The following ACBD6 variants were observed in gnomAD, a reference collection of about 807,000 sequenced individuals.
ACBD6 encodes the protein acyl-CoA binding domain containing 6.
In ACBD6, 28 loss-of-function variants were observed where a neutral mutation model predicts 37.2. The ratio of observed to expected loss-of-function variants is 0.75; its 90% CI spans 0.56 to 1.03. The LOEUF (loss-of-function observed/expected upper bound fraction) is 1.03. Ranked by LOEUF, ACBD6 falls within the 50% of genes least tolerant of loss-of-function variation. The pLI is 0.00. For synonymous variants in ACBD6, 113 were observed against 126.8 expected (o/e 0.89, Z 0.73); for missense variants, 340 against 337.4 (o/e 1.01, Z -0.06).
intron 3 of ACBD6, among the ~76,000 whole-genome samples, chr1:180,431,330 T>C (rs1441423781): frequency 6.6e-6 from 1 of 152,222 alleles, no homozygotes; most frequent in Admixed American, 6.5e-5. Flanking sequence ...CAACTTGTAA[T>C]AGAAACAAAG....
chr1:180,380,289 A>G (rs991945093), intron 6 of ACBD6, among the ~76,000 whole-genome samples: 2 of 151,880 alleles, frequency 1.3e-5, no homozygotes, highest in Non-Finnish European at 2.9e-5. Context: ...ACAAACAAAC[A>G]AAGAACAATC....
At chr1:180,458,354 C>T (rs1482067393) in intron 3 of ACBD6, among the ~76,000 whole-genome samples, 1 of 152,128 alleles carries the variant, frequency 6.6e-6, no homozygotes, top group Non-Finnish European at 1.5e-5. Context: ...TTTTAAGAAC[C>T]TACTGTCTTA....
At chr1:180,423,529 G>A (rs1048011457) in intron 4 of ACBD6, among the ~76,000 whole-genome samples, 9 of 151,996 alleles carry the variant, frequency 5.9e-5, no homozygotes, top group Non-Finnish European at 1.0e-4. Context: ...TACTATTTAC[G>A]TTGGTAAGGG....
At chr1:180,493,428 T>A (rs1322760780) in intron 2 of ACBD6, among the ~76,000 whole-genome samples, 2 of 151,944 alleles carry the variant, frequency 1.3e-5, no homozygotes, top group East Asian at 3.9e-4. Context: ...TTCTTCTTGG[T>A]TTTTCCCTGC....
chr1:180,271,105 T>C, exon 14 of ACBD6: 1 of 524,568 alleles, frequency 1.9e-6, no homozygotes, highest in South Asian at 2.0e-5. Context: ...CTGATGAGAC[T>C]TCTGTGCAGC....
At chr1:180,310,339 G>A (rs577890711) in intron 7 of ACBD6, among the ~76,000 whole-genome samples, 3 of 152,224 alleles carry the variant, frequency 2.0e-5, no homozygotes, top group South Asian at 2.1e-4. Context: ...TAGCCTGGGC[G>A]ACAAGAGTGA....
intron 6 of ACBD6, 124 bp downstream of exon 6, chr1:180,397,391 CA>C: frequency 1.1e-6 from 1 of 875,794 alleles, no homozygotes. Context: ...AATGATTACA[CA>C]ACATTGTGAA....
intron 6 of ACBD6, among the ~76,000 whole-genome samples, chr1:180,358,070 TTTAA>T (rs1416625638): frequency 2.6e-5 from 4 of 152,224 alleles, no homozygotes; most frequent in Non-Finnish European, 5.9e-5. Flanking sequence ...TCATGTTGTT[TTTAA>T]CAAAGAGGTT....
At chr1:180,497,290 C>T (rs1281851357) in intron 1 of ACBD6, among the ~76,000 whole-genome samples, 1 of 152,128 alleles carries the variant, frequency 6.6e-6, no homozygotes, top group Non-Finnish European at 1.5e-5. Context: ...TTATACATGG[C>T]CATCCAACTT....
At chr1:180,360,948 C>T (rs1652823735) in intron 6 of ACBD6, among the ~76,000 whole-genome samples, 1 of 152,232 alleles carries the variant, frequency 6.6e-6, no homozygotes, top group African/African-American at 2.4e-5. Flanking sequence ...CAAATACCTA[C>T]ACATCAGGAC....
At chr1:180,470,316 C>G (rs984097545) in intron 3 of ACBD6, among the ~76,000 whole-genome samples, 1 of 152,082 alleles carries the variant, frequency 6.6e-6, no homozygotes, top group African/African-American at 2.4e-5. Context: ...ATATGAAATT[C>G]CAGCTGATCA....
At chr1:180,481,637 T>C (rs947655470) in intron 3 of ACBD6, among the ~76,000 whole-genome samples, 11 of 152,214 alleles carry the variant, frequency 7.2e-5, no homozygotes, top group Admixed American at 6.5e-5. Context: ...CATATCTATA[T>C]GCTCTAAAAA....
At chr1:180,275,369 C>A (rs901054684) in exon 10 of ACBD6, 1 of 152,206 alleles carries the variant, frequency 6.6e-6, no homozygotes, top group Non-Finnish European at 1.5e-5. Context: ...TTGCTTGTAT[C>A]ATTTATTCCA....
At chr1:180,384,869 G>A (rs911417667) in intron 6 of ACBD6, among the ~76,000 whole-genome samples, 2 of 152,110 alleles carry the variant, frequency 1.3e-5, no homozygotes, top group Non-Finnish European at 2.9e-5. Context: ...TAGAACTGGA[G>A]GCCCTTATGT....
At chr1:180,461,458 A>C (rs1017817619) in intron 3 of ACBD6, among the ~76,000 whole-genome samples, 1 of 152,134 alleles carries the variant, frequency 6.6e-6, no homozygotes, top group Non-Finnish European at 1.5e-5. Flanking sequence ...CAAGACACAT[A>C]ATCATCAGAT....
intron 3 of ACBD6, among the ~76,000 whole-genome samples, chr1:180,476,654 C>T (rs1172390887): frequency 6.6e-6 from 1 of 152,052 alleles, no homozygotes; most frequent in African/African-American, 2.4e-5. Context: ...GGTGAAACCC[C>T]GTCTCTACGA....
chr1:180,489,989 A>G (rs1040210633), intron 3 of ACBD6, among the ~76,000 whole-genome samples: 1 of 152,188 alleles, frequency 6.6e-6, no homozygotes, highest in African/African-American at 2.4e-5. Context: ...TAGTTAACAA[A>G]ATTTTACTAA....
intron 3 of ACBD6, among the ~76,000 whole-genome samples, chr1:180,450,434 G>C (rs1003790257): frequency 6.6e-6 from 1 of 152,172 alleles, no homozygotes; most frequent in African/African-American, 2.4e-5. Flanking sequence ...TTGGTCTGGA[G>C]ATGAGGAGAC....
chr1:180,365,620 A>G (rs1440767660), intron 6 of ACBD6, among the ~76,000 whole-genome samples: 2 of 152,166 alleles, frequency 1.3e-5, no homozygotes, highest in African/African-American at 2.4e-5. Flanking sequence ...GCCTTTATAG[A>G]TTATATTCCT....
Sources: gnomAD v4.1 joint callset for allele counts (sites outside exome capture counted in the v4.1 genomes callset) on GRCh38, gnomAD v4.1.1 for gene constraint, MANE v1.5 for transcripts, NCBI Gene and HGNC (gene_info 2026-07-23, HGNC 2026-07-21) for gene names.